Variants in PIK3R3 observed in about 807,000 individuals in gnomAD.
PIK3R3 encodes the protein phosphatidylinositol 3-kinase regulatory subunit gamma.
Under a neutral mutation model 62.9 loss-of-function variants are expected in PIK3R3, and 64 were observed. The observed-to-expected ratio is 1.02, with a 90% CI of 0.83 to 1.25. The LOEUF (loss-of-function observed/expected upper bound fraction) is 1.25, where lower values mean the gene tolerates loss of function less well. PIK3R3 is among the 50% of genes most tolerant of loss of function. The pLI, the probability that PIK3R3 is intolerant of heterozygous loss-of-function variation, is 0.00. For missense variants in PIK3R3, 614 were observed against 561.6 expected (o/e 1.09, Z -0.94); for synonymous variants, 165 against 189.0 (o/e 0.87, Z 1.04).
intron 1 of PIK3R3, among the ~76,000 whole-genome samples, chr1:46,119,195 AC>A: frequency 6.6e-6 from 1 of 152,350 alleles, no homozygotes; most frequent in Admixed American, 6.5e-5. Context: ...TTAGAAATGT[AC>A]AGTCCATGAA....
Position 46,041,740 on chromosome 1 carries a change from A to G in PIK3R3, c.*1933T>C, listed in dbSNP as rs1647000345. The G allele has an allele frequency of 9.9e-6, 2 of 201,946 alleles. No individual in the cohort carries two copies. The highest frequency in any genetic ancestry group is 2.3e-5 in the African/African-American group (1 of 43,590). The allele number at this position is 201,946 out of a possible 1,614,324, so 12.5% of individuals were successfully genotyped here. A position where few individuals can be genotyped will look rare whatever the true frequency, so the allele number is the denominator to read the frequency against. ...TTTCAATTGACAGTTTGGGGAAGGG[A>G]TGTGCTGGCTATTAGTTAAATGACT... On this transcript the variant is annotated 3_prime_UTR_variant, in exon 10 of 10. Coordinates refer to ENST00000262741, the MANE Select transcript of PIK3R3 (RefSeq NM_003629.4).
rs1478851138 is a variant in PIK3R3, at chr1:46,080,765, A to C, written c.107-15T>G. 2.0e-6 allele frequency: 3 copies of C among 1,485,326 alleles called. No homozygotes were observed. The highest frequency in any genetic ancestry group is 2.8e-6 in the Non-Finnish European group (3 of 1,062,682). The allele number at this position is 1,485,326 out of a possible 1,614,324, so 92.0% of individuals were successfully genotyped here. A position where few individuals can be genotyped will look rare whatever the true frequency, so the allele number is the denominator to read the frequency against. On this transcript the variant is annotated splice_polypyrimidine_tract_variant and intron_variant, in intron 1 of 9. Coordinates refer to ENST00000262741, the MANE Select transcript of PIK3R3 (RefSeq NM_003629.4). ...TGGTGGAAGAGCTAGAAGAGAAATG[A>C]ATATTACTCTGTAGATGTAAATTAT...
intron 9 of PIK3R3, 41 bp from the exon 10 acceptor site, chr1:46,043,912 CAATAGAT>C: frequency 6.5e-7 from 1 of 1,536,954 alleles, no homozygotes; most frequent in Non-Finnish European, 8.9e-7. Flanking sequence ...AGGTAGGTAA[CAATAGAT>C]AAAAGGACAC....
At chr1:46,156,031 T>C in the PIK3R3 span, among the ~76,000 whole-genome samples, 1 of 152,116 alleles carries the variant, frequency 6.6e-6, no homozygotes, top group East Asian at 1.9e-4. Flanking sequence ...TTAGTAATAG[T>C]AATGTACATG....
chr1:46,153,356 A>C, the PIK3R3 span, among the ~76,000 whole-genome samples: 3 of 152,184 alleles, frequency 2.0e-5, no homozygotes, highest in Admixed American at 6.5e-5. Flanking sequence ...TCTTGAGTTG[A>C]GAATAAGTTC....
intron 9 of PIK3R3, among the ~76,000 whole-genome samples, chr1:46,045,350 G>C (rs2149371720): frequency 6.6e-6 from 1 of 152,086 alleles, no homozygotes; most frequent in South Asian, 2.1e-4. Context: ...CCACACTCAG[G>C]CAAAAATCTG....
intron 3 of PIK3R3, among the ~76,000 whole-genome samples, chr1:46,069,710 G>A (rs748589277): frequency 1.5e-4 from 23 of 152,102 alleles, no homozygotes; most frequent in Non-Finnish European, 2.6e-4. Flanking sequence ...ATTTGATGGT[G>A]AGCATAGCTG....
At chr1:46,133,293 G>C (rs534591178), upstream of PIK3R3, among the ~76,000 whole-genome samples, 1 of 152,370 alleles carries the variant, frequency 6.6e-6, no homozygotes, top group Admixed American at 6.5e-5. Context: ...GGCTCAAACT[G>C]CCTGGAGACA....
chr1:46,125,846 C>T (rs912852161), intron 1 of PIK3R3, among the ~76,000 whole-genome samples: 3 of 151,848 alleles, frequency 2.0e-5, no homozygotes, highest in Non-Finnish European at 4.4e-5. Flanking sequence ...CTGCAAGCTC[C>T]GCCTCCCGGG....
At chr1:46,070,766 T>C (rs1216082045) in intron 3 of PIK3R3, among the ~76,000 whole-genome samples, 2 of 152,108 alleles carry the variant, frequency 1.3e-5, no homozygotes, top group Non-Finnish European at 2.9e-5. Context: ...AAGGATATAT[T>C]CACATGGGTA....
At chr1:46,057,887 C>T (rs1648083113) in intron 6 of PIK3R3, among the ~76,000 whole-genome samples, 1 of 152,072 alleles carries the variant, frequency 6.6e-6, no homozygotes, top group Non-Finnish European at 1.5e-5. Flanking sequence ...AAGCCGGCTG[C>T]AGAAATTTGC....
At chr1:46,085,992 G>C (rs1651016346) in intron 1 of PIK3R3, among the ~76,000 whole-genome samples, 1 of 151,960 alleles carries the variant, frequency 6.6e-6, no homozygotes, top group South Asian at 2.1e-4. Flanking sequence ...CTTCCGCCTT[G>C]GCCTCCCAAA....
In PIK3R3 at chr1:46,044,229, C is replaced by T. The variant is rs577930060; in HGVS notation, c.1188-358G>A. 8.5e-5 allele frequency among the ~76,000 whole-genome samples: 13 copies of T among 152,152 alleles called. No homozygotes were observed. The highest frequency in any genetic ancestry group is 2.9e-4 in the African/African-American group (12 of 41,512). On this transcript the variant is annotated intron_variant, in intron 9 of 9. Coordinates refer to ENST00000262741, the MANE Select transcript of PIK3R3 (RefSeq NM_003629.4). This position sits in a 1 kb window ranked among gnomAD's most constrained non-coding sequence, Gnocchi z 4.2. ...TAGCCGGGACTACAGGTGTGAGCCA[C>T]ATGCCCAGCTACTTTTTTATTTTTA... is the stretch of plus-strand genomic sequence containing the variant.
upstream of PIK3R3, among the ~76,000 whole-genome samples, chr1:46,137,188 T>C (rs1216670365): frequency 6.6e-6 from 1 of 152,178 alleles, no homozygotes; most frequent in African/African-American, 2.4e-5. Context: ...CCACACAGCC[T>C]TCCTCTCCCA....
In PIK3R3 at chr1:46,096,638, T is replaced by A. The variant is rs562931669; in HGVS notation, c.107-15888A>T. Among the ~76,000 whole-genome samples, 6 of 152,208 alleles carry A rather than the reference T, an allele frequency of 3.9e-5. No individual in the cohort carries two copies. The East Asian group carries it at 1.2e-3, about 29-fold the overall frequency. On this transcript the variant is annotated intron_variant, in intron 1 of 9. Transcript: ENST00000262741. ...AACTGGCCAGGTGCAGTGGCTTACG[T>A]CTGTAATCCCAACACTTAGGGAGAC...
At chr1:46,174,584 G>A in the PIK3R3 span, among the ~76,000 whole-genome samples, 4 of 152,052 alleles carry the variant, frequency 2.6e-5, 1 homozygote, top group Admixed American at 2.0e-4. Flanking sequence ...ATCTCGGACC[G>A]GTGCAACACG....
At chr1:46,054,075 G>A (rs923138699) in intron 7 of PIK3R3, among the ~76,000 whole-genome samples, 1 of 152,136 alleles carries the variant, frequency 6.6e-6, no homozygotes, top group Non-Finnish European at 1.5e-5. Context: ...TCAGCATGGT[G>A]TAGTTGTAAT....
intron 1 of PIK3R3, among the ~76,000 whole-genome samples, chr1:46,095,261 A>C (rs966741451): frequency 6.6e-6 from 1 of 152,224 alleles, no homozygotes; most frequent in African/African-American, 2.4e-5. Context: ...CTGGATAAAG[A>C]AAATGTGGTA....
At chr1:46,084,654 AGCACT>A (rs1650902145) in intron 1 of PIK3R3, among the ~76,000 whole-genome samples, 1 of 152,244 alleles carries the variant, frequency 6.6e-6, no homozygotes, top group Non-Finnish European at 1.5e-5. Flanking sequence ...TGCTATACAA[AGCACT>A]GCACTATAGC....
Sources: allele counts gnomAD v4.1 joint callset (sites outside exome capture counted in the v4.1 genomes callset), GRCh38; gene constraint gnomAD v4.1.1; non-coding constraint Gnocchi (gnomAD v3.1); transcripts MANE v1.5; gene names NCBI Gene and HGNC (gene_info 2026-07-23, HGNC 2026-07-21).